FAF1: variants seen among roughly 807,000 people sequenced by gnomAD.
The protein encoded by FAF1 is FAS-associated factor 1.
Under a neutral mutation model 92.5 loss-of-function variants are expected in FAF1, and 25 were observed. That is an observed-to-expected ratio of 0.27 (90% CI 0.20 to 0.38). The LOEUF (loss-of-function observed/expected upper bound fraction) is 0.38. Ranked by LOEUF, FAF1 falls within the 10% of genes least tolerant of loss-of-function variation. The pLI, the probability that FAF1 is intolerant of heterozygous loss-of-function variation, is 1.00. For synonymous variants in FAF1, 234 were observed against 273.2 expected, an observed-to-expected ratio of 0.86 and a Z score of 1.42; for missense variants, 636 against 793.3, an observed-to-expected ratio of 0.80 and a Z score of 2.38.
chr1:50,864,978 T>G (rs1310472063), intron 1 of FAF1, among the ~76,000 whole-genome samples: 2 of 151,592 alleles, frequency 1.3e-5, no homozygotes, highest in African/African-American at 4.8e-5. Flanking sequence ...TACAATGAAC[T>G]CAAACAAATT....
chr1:50,568,951 T>C (rs1254385569), intron 12 of FAF1, among the ~76,000 whole-genome samples: 4 of 152,178 alleles, frequency 2.6e-5, no homozygotes, highest in Non-Finnish European at 4.4e-5. Flanking sequence ...TGTTAATTCA[T>C]TTATTCATTC....
chr1:50,830,354 C>A (rs998658903), intron 2 of FAF1, among the ~76,000 whole-genome samples: 1 of 152,198 alleles, frequency 6.6e-6, no homozygotes, highest in Admixed American at 6.5e-5. Context: ...AAGTGATCTG[C>A]CCACCTCAGC....
chr1:50,739,392 GTTTATGTGTA>G (rs1159864121), intron 5 of FAF1, among the ~76,000 whole-genome samples: 5 of 134,362 alleles, frequency 3.7e-5, no homozygotes, highest in African/African-American at 1.7e-4. Flanking sequence ...ATATATGTGT[GTTTATGTGTA>G]TGTGTATACA....
At chr1:50,491,603 C>A in intron 16 of FAF1, 118 bp downstream of exon 16, 1 of 662,344 alleles carries the variant, frequency 1.5e-6, no homozygotes, top group Non-Finnish European at 2.7e-6. Context: ...TTTCTGTTAA[C>A]TAAATCTAGC....
chr1:50,510,035 G>A (rs998266893), intron 15 of FAF1, among the ~76,000 whole-genome samples: 4 of 151,820 alleles, frequency 2.6e-5, no homozygotes, highest in Admixed American at 1.3e-4. Flanking sequence ...CGGGTGTGGC[G>A]GTGTGCACCT....
chr1:50,630,703 GTATTGAAA>G (rs1297411346), intron 8 of FAF1, among the ~76,000 whole-genome samples: 1 of 151,628 alleles, frequency 6.6e-6, no homozygotes, highest in African/African-American at 2.4e-5. Flanking sequence ...GATAACCACA[GTATTGAAA>G]AGTGTATCAT....
chr1:50,806,486 C>T (rs1401075404), intron 2 of FAF1, among the ~76,000 whole-genome samples: 1 of 152,164 alleles, frequency 6.6e-6, no homozygotes, highest in Non-Finnish European at 1.5e-5. Flanking sequence ...GAAGCACATA[C>T]CACAGCCCTG....
intron 8 of FAF1, among the ~76,000 whole-genome samples, chr1:50,650,848 C>T (rs531614415): frequency 2.0e-5 from 3 of 152,270 alleles, no homozygotes; most frequent in East Asian, 1.9e-4. Context: ...TCCTTGTTCT[C>T]ACAGCTGAAC....
intron 8 of FAF1, among the ~76,000 whole-genome samples, chr1:50,601,409 C>T (rs148342494): frequency 2.6e-5 from 4 of 152,160 alleles, no homozygotes; most frequent in African/African-American, 4.8e-5. Flanking sequence ...CGTGGTGGCT[C>T]GGTGTGAGAC....
chr1:50,635,961 T>C (rs921997980), intron 8 of FAF1, among the ~76,000 whole-genome samples: 17 of 152,292 alleles, frequency 1.1e-4, no homozygotes, highest in Non-Finnish European at 1.0e-4. Context: ...AATGCAATTA[T>C]AGGATAAATT....
chr1:50,609,211 T>C (rs571276054), intron 8 of FAF1, among the ~76,000 whole-genome samples: 1 of 152,330 alleles, frequency 6.6e-6, no homozygotes, highest in African/African-American at 2.4e-5. Flanking sequence ...GTATAGATCA[T>C]GCTAGTTCTA....
At chr1:50,625,479 A>C (rs1653456052) in intron 8 of FAF1, among the ~76,000 whole-genome samples, 1 of 152,248 alleles carries the variant, frequency 6.6e-6, no homozygotes, top group African/African-American at 2.4e-5. Flanking sequence ...AAGTCCCACA[A>C]TCAATGCTTT....
At chr1:50,646,102 T>C (rs1185073983) in intron 8 of FAF1, among the ~76,000 whole-genome samples, 2 of 152,216 alleles carry the variant, frequency 1.3e-5, no homozygotes, top group Non-Finnish European at 2.9e-5. Flanking sequence ...AGTGTGTTAA[T>C]ATCATCTCCA....
At chr1:50,609,037 T>C (rs368595076) in intron 8 of FAF1, among the ~76,000 whole-genome samples, 8 of 152,362 alleles carry the variant, frequency 5.3e-5, no homozygotes, top group Middle Eastern at 3.4e-3. Flanking sequence ...CAGACAGTAC[T>C]ATAAGTAGAG....
At chr1:50,649,097 A>G (rs1654739134) in intron 8 of FAF1, among the ~76,000 whole-genome samples, 1 of 151,058 alleles carries the variant, frequency 6.6e-6, no homozygotes, top group South Asian at 2.1e-4. Flanking sequence ...ATTCATTTCT[A>G]TTTAAGAGTG....
chr1:50,864,299 G>T (rs1197105128), intron 1 of FAF1, among the ~76,000 whole-genome samples: 1 of 149,620 alleles, frequency 6.7e-6, no homozygotes, highest in Non-Finnish European at 1.5e-5. Context: ...TGATGTTAGG[G>T]TGTCAATTTT....
At chr1:50,718,866 G>T (rs74080053) in intron 6 of FAF1, among the ~76,000 whole-genome samples, 2 of 152,004 alleles carry the variant, frequency 1.3e-5, no homozygotes, top group Non-Finnish European at 2.9e-5. Flanking sequence ...ATTAAAAAGC[G>T]TGACACATGG....
intron 2 of FAF1, among the ~76,000 whole-genome samples, chr1:50,819,246 T>G (rs1644008164): frequency 5.9e-5 from 9 of 151,950 alleles, no homozygotes; most frequent in Admixed American, 5.9e-4. Flanking sequence ...AAATCTTGAT[T>G]GAGGGAGGGG....
intron 15 of FAF1, 123 bp from the exon 16 acceptor site, chr1:50,491,924 T>A: frequency 1.5e-6 from 1 of 678,058 alleles, no homozygotes; most frequent in Non-Finnish European, 2.5e-6. Flanking sequence ...AAGAGACTTT[T>A]AAAGTGTATA....
Sources: gnomAD v4.1 joint callset for allele counts (sites outside exome capture counted in the v4.1 genomes callset) on GRCh38, gnomAD v4.1.1 for gene constraint, MANE v1.5 for transcripts, NCBI Gene and HGNC (gene_info 2026-07-23, HGNC 2026-07-21) for gene names.